Variants in RABGAP1L observed in about 807,000 individuals in gnomAD.
RABGAP1L encodes the protein rab GTPase-activating protein 1-like.
Under a neutral mutation model 137.7 loss-of-function variants are expected in RABGAP1L, and 63 were observed. The observed-to-expected ratio is 0.46, with a 90% confidence interval of 0.37 to 0.56. The LOEUF is 0.56. RABGAP1L is among the 20% of genes least tolerant of loss of function. The pLI is 0.00. For synonymous variants in RABGAP1L, 431 were observed against 433.7 expected (o/e 0.99, Z 0.08); for missense variants, 1,095 against 1,244.0 (o/e 0.88, Z 1.80).
At chr1:174,652,357 T>C (rs1004627176) in intron 14 of RABGAP1L, among the ~76,000 whole-genome samples, 8 of 152,190 alleles carry the variant, frequency 5.3e-5, no homozygotes, top group African/African-American at 1.9e-4. Flanking sequence ...CAAGGAGTTG[T>C]GATCCTTTGG....
At chr1:174,383,974 A>T (rs1424509717) in intron 12 of RABGAP1L, among the ~76,000 whole-genome samples, 12 of 152,166 alleles carry the variant, frequency 7.9e-5, no homozygotes, top group Non-Finnish European at 1.5e-4. Context: ...TAAAACCTGT[A>T]TGTGAATGTT....
At chr1:174,565,977 C>T (rs961733164) in intron 13 of RABGAP1L, among the ~76,000 whole-genome samples, 22 of 151,638 alleles carry the variant, frequency 1.5e-4, no homozygotes, top group East Asian at 5.8e-4. Flanking sequence ...CTTGACCTCC[C>T]GGCCTCAAGT....
chr1:174,626,543 G>A (rs1446459016), intron 13 of RABGAP1L, among the ~76,000 whole-genome samples: 2 of 152,100 alleles, frequency 1.3e-5, no homozygotes, highest in African/African-American at 4.8e-5. Flanking sequence ...CATTGTGTCT[G>A]GCTTTGATTC....
intron 14 of RABGAP1L, among the ~76,000 whole-genome samples, chr1:174,654,840 A>C (rs1675845311): frequency 6.6e-6 from 1 of 152,060 alleles, no homozygotes; most frequent in Non-Finnish European, 1.5e-5. Context: ...TTCTACATTT[A>C]TTGTCTCCAG....
chr1:174,392,466 C>G (rs919224290), intron 12 of RABGAP1L, among the ~76,000 whole-genome samples: 3 of 152,134 alleles, frequency 2.0e-5, no homozygotes, highest in African/African-American at 7.2e-5. Flanking sequence ...CTGCCTTTCT[C>G]TAGTTTATTT....
intron 1 of RABGAP1L, among the ~76,000 whole-genome samples, chr1:174,204,721 A>C (rs150167168): frequency 1.3e-5 from 2 of 152,216 alleles, no homozygotes; most frequent in East Asian, 3.9e-4. Context: ...GTGGGAGGTG[A>C]TTGGATCCTG....
intron 13 of RABGAP1L, among the ~76,000 whole-genome samples, chr1:174,611,338 T>A (rs1671230207): frequency 6.6e-6 from 1 of 152,174 alleles, no homozygotes; most frequent in Non-Finnish European, 1.5e-5. Flanking sequence ...CTTGTTTTTC[T>A]CAGGTTTGTC....
chr1:174,613,254 G>C (rs1194644048), intron 13 of RABGAP1L, among the ~76,000 whole-genome samples: 1 of 151,918 alleles, frequency 6.6e-6, no homozygotes, highest in Non-Finnish European at 1.5e-5. Flanking sequence ...CTGGTATGTT[G>C]TGTCTTTGTT....
At chr1:174,768,966 CCTCT>C (rs1214559201) in intron 18 of RABGAP1L, among the ~76,000 whole-genome samples, 1 of 152,038 alleles carries the variant, frequency 6.6e-6, no homozygotes. Flanking sequence ...TCTCTTTTAC[CCTCT>C]ATCAGAAAAG....
Position 174,861,632 on chromosome 1 carries a change from T to A in RABGAP1L, c.2340+49672T>A, listed in dbSNP as rs183447301. ...CTAACAATTGTTATCTCTTTTTTTTTAAATAATGGCCATCCTAACAGGTAT... is the reference window on the plus strand; with the variant it reads ...CTAACAATTGTTATCTCTTTTTTTTAAAATAATGGCCATCCTAACAGGTAT... On this transcript the variant is annotated intron_variant, in intron 19 of 25. Coordinates refer to ENST00000681986, the MANE Select transcript of RABGAP1L (RefSeq NM_001366446.1). Among the ~76,000 whole-genome samples the A allele has an allele frequency of 1.6e-4, 25 of 152,298 alleles. No homozygotes were observed. The East Asian group carries it at 2.7e-3, about 16-fold the overall frequency.
At chr1:174,345,633 T>C in intron 11 of RABGAP1L, among the ~76,000 whole-genome samples, 1 of 152,192 alleles carries the variant, frequency 6.6e-6, no homozygotes, top group East Asian at 1.9e-4. Context: ...TCAGTTTGAA[T>C]AGTTTTTTTG....
chr1:174,869,321 G>C (rs1651807109), intron 19 of RABGAP1L, among the ~76,000 whole-genome samples: 1 of 152,084 alleles, frequency 6.6e-6, no homozygotes, highest in Non-Finnish European at 1.5e-5. Context: ...GTGGATCATG[G>C]GAGGTGAGTG....
At chr1:174,841,011 A>C (rs976542344) in intron 19 of RABGAP1L, among the ~76,000 whole-genome samples, 4 of 152,112 alleles carry the variant, frequency 2.6e-5, no homozygotes, top group Non-Finnish European at 5.9e-5. Flanking sequence ...GTATAGCATT[A>C]AACATCCATA....
At chr1:174,563,417 T>C (rs1384096601) in intron 13 of RABGAP1L, among the ~76,000 whole-genome samples, 2 of 152,314 alleles carry the variant, frequency 1.3e-5, no homozygotes, top group East Asian at 3.9e-4. Flanking sequence ...GCCAGACTGC[T>C]TTGGTTCAAA....
chr1:174,447,601 G>A (rs1047839798), intron 13 of RABGAP1L, among the ~76,000 whole-genome samples: 3 of 152,104 alleles, frequency 2.0e-5, no homozygotes, highest in Admixed American at 2.0e-4. Context: ...CATAGATAAA[G>A]CAGGAAGCCT....
intron 10 of RABGAP1L, among the ~76,000 whole-genome samples, chr1:174,289,739 G>A (rs4650989): frequency 0.57 from 87,343 of 152,010 alleles, 27,484 homozygotes; most frequent in African/African-American, 0.85. Flanking sequence ...GGCTGCTGCC[G>A]TTGCTCTAAG....
intron 3 of RABGAP1L, among the ~76,000 whole-genome samples, chr1:174,224,899 C>T (rs2148483935): frequency 6.6e-6 from 1 of 151,786 alleles, no homozygotes; most frequent in East Asian, 1.9e-4. Flanking sequence ...TTGTTTTCAG[C>T]AGTTTGATTA....
intron 13 of RABGAP1L, among the ~76,000 whole-genome samples, chr1:174,456,635 A>T (rs1014991913): frequency 2.0e-5 from 3 of 152,126 alleles, no homozygotes; most frequent in African/African-American, 7.2e-5. Context: ...TAAGTAATTC[A>T]GTTTTATTTC....
chr1:174,493,367 A>T (rs563574773), intron 13 of RABGAP1L, among the ~76,000 whole-genome samples: 1 of 151,244 alleles, frequency 6.6e-6, no homozygotes, highest in Non-Finnish European at 1.5e-5. Context: ...TATATAAGAA[A>T]ATTTATATCT....
Sources: allele counts gnomAD v4.1 joint callset (sites outside exome capture counted in the v4.1 genomes callset), GRCh38; gene constraint gnomAD v4.1.1; transcripts MANE v1.5; gene names NCBI Gene and HGNC (gene_info 2026-07-23, HGNC 2026-07-21).